PARD6B: variants seen among roughly 807,000 people sequenced by gnomAD.
The protein encoded by PARD6B is partitioning defective 6 homolog beta.
A neutral mutation model predicts 10.5 loss-of-function variants in PARD6B; 4 were observed. The observed-to-expected ratio is 0.38, with a 90% CI of 0.19 to 0.87. The LOEUF (loss-of-function observed/expected upper bound fraction) is 0.87. Ranked by LOEUF, PARD6B falls within the 40% of genes least tolerant of loss-of-function variation. The probability of loss-of-function intolerance (pLI) is 0.41; values close to 1 mark genes in which losing one functional copy is unlikely to be tolerated. For missense variants in PARD6B, 396 were observed against 470.6 expected, an observed-to-expected ratio of 0.84 and a Z score of 1.47; for synonymous variants, 169 against 170.4, an observed-to-expected ratio of 0.99 and a Z score of 0.07.
In PARD6B at chr20:50,750,397, C is replaced by T. The variant is rs935758327; in HGVS notation, c.1028C>T (p.Ala343Val). The T allele has an allele frequency of 1.9e-6, 3 of 1,614,150 alleles. No homozygotes were observed. In the Admixed American group the frequency reaches 5.0e-5, roughly 27 times the overall value. ...ATTCCCTCTAATGAAGTGAGCTTAG[C>T]AGCCATAGCAAGCAGCTCAAACACG... ...GFIPSNEVSL[A>V]AIASSSNTEF... The change falls in exon 3 of 3, where the codon GCA becomes GTA. Residue 343 changes from alanine (A) to valine (V), a missense_variant. By Grantham distance (64) the Ala-to-Val change is moderately conservative. Transcript: ENST00000371610.
At position 50,750,192 on chromosome 20, in the gene PARD6B, G is replaced by A; in HGVS notation, c.823G>A (p.Gly275Ser). 1 of 1,614,196 alleles carries A rather than the reference G, an allele frequency of 6.2e-7. No homozygotes were observed. The highest frequency in any genetic ancestry group is 8.5e-7 in the Non-Finnish European group (1 of 1,180,050). The change falls in exon 3 of 3, where the codon GGC (glycine) becomes AGC (serine). Residue 275 changes from glycine (G) to serine (S), a missense_variant. Physicochemically the swap from Gly to Ser is moderately conservative, Grantham distance 56. Transcript: ENST00000371610. Reference sequence around the variant, plus strand: ...TCAGTCTACTGATAACAGCCTTCTTGGCTACCCACAGCAGATTGAACCAAG... The same window carrying A: ...TCAGTCTACTGATAACAGCCTTCTTAGCTACCCACAGCAGATTGAACCAAG... ...SGQSTDNSLL[G>S]YPQQIEPSFE...
intron 1 of PARD6B, among the ~76,000 whole-genome samples, chr20:50,737,447 A>T (rs2087505697): frequency 6.6e-6 from 1 of 152,074 alleles, no homozygotes; most frequent in South Asian, 2.1e-4. Context: ...ATGGGGGAGG[A>T]CACTTAAATG....
chr20:50,750,797 T>C lies in PARD6B; in HGVS notation c.*309T>C. The C allele has an allele frequency of 1.8e-6, 2 of 1,101,576 alleles. No homozygotes were observed. Among genetic ancestry groups the C allele is most frequent in the East Asian group, 6.3e-5 (1 of 15,934 alleles). 68.2% of individuals were successfully genotyped at this position (1,101,576 alleles called of 1,614,324 possible). On this transcript the variant is annotated 3_prime_UTR_variant, in exon 3 of 3. Transcript: ENST00000371610. The stretch of plus-strand genomic sequence containing the variant: ...CTATGTGAGAAGACTAGATCATTTC[T>C]GTTGGAAGTGGTTGCATATTTAACC...
chr20:50,751,200 G>A lies in PARD6B; in HGVS notation c.*712G>A. On this transcript the variant is annotated 3_prime_UTR_variant, in exon 3 of 3. Transcript: ENST00000371610. ...GCCCAAGTTGGTCTTGAACTCCTGG[G>A]CTTAAGCAGTCCTGCCTCGGCTTCC... 1 of 889,264 alleles carries A rather than the reference G, an allele frequency of 1.1e-6. No homozygotes were observed. The highest frequency in any genetic ancestry group is 1.3e-6 in the Non-Finnish European group (1 of 743,552). 55.1% of individuals were successfully genotyped at this position (889,264 alleles called of 1,614,324 possible). A position where few individuals can be genotyped will look rare whatever the true frequency, so the allele number is the denominator to read the frequency against.
At chr20:50,734,388 CCGGGCT>C (rs2087488354) in intron 1 of PARD6B, among the ~76,000 whole-genome samples, 1 of 151,920 alleles carries the variant, frequency 6.6e-6, no homozygotes, top group Admixed American at 6.6e-5. Context: ...GCTCTGTCAC[CCGGGCT>C]GGAGTACAAT....
chr20:50,734,478 C>G (rs1484578934), intron 1 of PARD6B, among the ~76,000 whole-genome samples: 2 of 151,940 alleles, frequency 1.3e-5, no homozygotes, highest in Non-Finnish European at 2.9e-5. Flanking sequence ...TCCTGAGTAG[C>G]AAGACTACAG....
chr20:50,731,896 C>G (rs951723073), intron 1 of PARD6B, 44 bp downstream of exon 1: 1 of 1,369,026 alleles, frequency 7.3e-7, no homozygotes, highest in Non-Finnish European at 9.4e-7. Context: ...CCTGGGGGGC[C>G]GGGGCCTGGG....
Position 50,750,954 on chromosome 20 carries a change from ATTTTTTTTTTTTTTTTTT to A in PARD6B, c.*481_*498del, listed in dbSNP as rs565068464. 7.4e-4 allele frequency: 285 copies of A among 387,720 alleles called. 1 individual carries two copies. The highest frequency in any genetic ancestry group is 8.1e-4 in the Non-Finnish European group (264 of 327,528). 24.0% of individuals were successfully genotyped at this position (387,720 alleles called of 1,614,324 possible). A position where few individuals can be genotyped will look rare whatever the true frequency, so the allele number is the denominator to read the frequency against. ...CTCATGTTCCCAATATTTTATTTTGATTTTTTTTTTTTTTTTTTTTTTTTTTTTTTTTAGTGACTGGGT... is the reference window on the plus strand; with the variant it reads ...CTCATGTTCCCAATATTTTATTTTGATTTTTTTTTTTTTTAGTGACTGGGT... On this transcript the variant is annotated 3_prime_UTR_variant, in exon 3 of 3. Coordinates refer to ENST00000371610, the MANE Select transcript of PARD6B (RefSeq NM_032521.3).
At position 50,751,976 on chromosome 20, in the gene PARD6B, A is replaced by G; in HGVS notation, c.*1488A>G. ...ATCTCCTCCCAAAGTGCTGGATTGC[A>G]GGCATGAGCGCCTAGCCAGGAAGCT... On this transcript the variant is annotated 3_prime_UTR_variant, in exon 3 of 3. Transcript: ENST00000371610. 1 of 985,318 alleles carries G rather than the reference A, an allele frequency of 1.0e-6. No individual in the cohort carries two copies. Among genetic ancestry groups the G allele is most frequent in the Non-Finnish European group, 1.2e-6 (1 of 829,844 alleles). The allele number at this position is 985,318 out of a possible 1,614,324, so 61.0% of individuals were successfully genotyped here.
chr20:50,743,845 C>T lies in PARD6B; in HGVS notation c.289+5766C>T, dbSNP rs1326325322. Among the ~76,000 whole-genome samples, 8 of 149,362 alleles carry T rather than the reference C, an allele frequency of 5.4e-5. No homozygotes were observed. In the East Asian group the frequency reaches 6.1e-4, roughly 11 times the overall value. ...CGGAGCTTGCAGTGAGCCTAGATCG[C>T]GCCACTGCACTCCAGCCTGGGCGAC... On this transcript the variant is annotated intron_variant, in intron 2 of 2. Coordinates refer to ENST00000371610, the MANE Select transcript of PARD6B (RefSeq NM_032521.3).
intron 2 of PARD6B, among the ~76,000 whole-genome samples, chr20:50,740,909 C>T (rs1178663594): frequency 1.3e-5 from 2 of 152,004 alleles, no homozygotes; most frequent in African/African-American, 2.4e-5. Context: ...TCCCTCATCA[C>T]AGTCAGCCAC....
intron 1 of PARD6B, among the ~76,000 whole-genome samples, chr20:50,733,889 T>G (rs918730175): frequency 6.6e-6 from 1 of 152,264 alleles, no homozygotes; most frequent in African/African-American, 2.4e-5. Context: ...TTATCTCTAG[T>G]ACTAAGAAAC....
In PARD6B at chr20:50,750,130, A is replaced by G. The variant is rs368938462; in HGVS notation, c.761A>G (p.Asn254Ser). Reference protein sequence around the residue: ...ITVRPANQRNNVVRNSRTSGS... With the variant: ...ITVRPANQRNSVVRNSRTSGS... Reference sequence around the variant, plus strand: ...GTGAGACCGGCAAACCAGAGGAATAATGTTGTGAGGAACAGTCGGACTTCT... The same window carrying G: ...GTGAGACCGGCAAACCAGAGGAATAGTGTTGTGAGGAACAGTCGGACTTCT... The change falls in exon 3 of 3, where the codon AAT becomes AGT. Residue 254 changes from asparagine to serine, a missense_variant. Around this residue, in one of 2 missense-constraint regions of PARD6B, gnomAD observed 188 missense variants for 169.7 expected, o/e 1.11. Coordinates refer to ENST00000371610, the MANE Select transcript of PARD6B (RefSeq NM_032521.3). The G allele has an allele frequency of 6.8e-6, 11 of 1,614,104 alleles. No individual in the cohort carries two copies. The highest frequency in any genetic ancestry group is 9.3e-6 in the Non-Finnish European group (11 of 1,180,056).
chr20:50,749,715 T>C lies in PARD6B; in HGVS notation c.346T>C (p.Leu116=), dbSNP rs755418178. The change falls in exon 3 of 3, where the codon TTA becomes CTA. Residue 116 remains leucine, a synonymous_variant. Coordinates refer to ENST00000371610, the MANE Select transcript of PARD6B (RefSeq NM_032521.3). ...CACGCTAATAAAGAAGAAGAATGTTTTAACCAACGTATTGCGTCCTGACAA... is the reference window on the plus strand; with the variant it reads ...CACGCTAATAAAGAAGAAGAATGTTCTAACCAACGTATTGCGTCCTGACAA... ...TDTLIKKKNV[L]TNVLRPDNHR... 4.2e-5 allele frequency: 67 copies of C among 1,612,906 alleles called. No individual in the cohort carries two copies. Among genetic ancestry groups the C allele is most frequent in the Non-Finnish European group, 5.3e-5 (63 of 1,179,762 alleles).
At chr20:50,738,796 A>G (rs2087513652) in intron 2 of PARD6B, among the ~76,000 whole-genome samples, 2 of 152,136 alleles carry the variant, frequency 1.3e-5, no homozygotes, top group African/African-American at 4.8e-5. Flanking sequence ...ACTATTTGGC[A>G]ATAACTTTCT....
chr20:50,751,160 G>T lies in PARD6B; in HGVS notation c.*672G>T. ...ACTTTTTGTATTTTTTGTAGAGACA[G>T]GGTTTCGCCATGTTGCCCAAGTTGG... On this transcript the variant is annotated 3_prime_UTR_variant, in exon 3 of 3. Coordinates refer to ENST00000371610, the MANE Select transcript of PARD6B (RefSeq NM_032521.3). The T allele has an allele frequency of 1.5e-6, 1 of 675,348 alleles. No individual in the cohort carries two copies. The highest frequency in any genetic ancestry group is 1.8e-6 in the Non-Finnish European group (1 of 548,442). 41.8% of individuals were successfully genotyped at this position (675,348 alleles called of 1,614,324 possible).
intron 2 of PARD6B, among the ~76,000 whole-genome samples, chr20:50,748,618 C>T (rs2087582460): frequency 6.6e-6 from 1 of 152,150 alleles, no homozygotes; most frequent in South Asian, 2.1e-4. Flanking sequence ...GACCTGAATC[C>T]TGGAGTGAAG....
At chr20:50,738,139 GA>G in intron 2 of PARD6B, 60 bp downstream of exon 2, 1 of 1,285,550 alleles carries the variant, frequency 7.8e-7, no homozygotes, top group South Asian at 1.6e-5. Flanking sequence ...TTTCCCCACT[GA>G]AAGGATACCC....
chr20:50,747,931 TCTGTGTCACCACCA>T (rs1316447332), intron 2 of PARD6B, among the ~76,000 whole-genome samples: 1 of 152,202 alleles, frequency 6.6e-6, no homozygotes, highest in Non-Finnish European at 1.5e-5. Context: ...CTTCCTATTG[TCTGTGTCACCACCA>T]CTGAGGACAA....
Sources: gnomAD v4.1 joint callset for allele counts (sites outside exome capture counted in the v4.1 genomes callset) on GRCh38, gnomAD v4.1.1 for gene constraint, gnomAD v4.1.1 regional missense constraint, MANE v1.5 for transcripts, NCBI Gene and HGNC (gene_info 2026-07-23, HGNC 2026-07-21) for gene names.